The following KIF9 variants were observed in gnomAD, a reference collection of about 807,000 sequenced individuals.
The protein encoded by KIF9 is kinesin family member 9, also known as kinesin-like protein KIF9.
Under a neutral mutation model 94.8 loss-of-function variants are expected in KIF9, and 68 were observed. That is an observed-to-expected ratio of 0.72 (90% confidence interval 0.59 to 0.88). The LOEUF (loss-of-function observed/expected upper bound fraction) is 0.88. KIF9 is among the 40% of genes least tolerant of loss of function. KIF9 has a pLI of 0.00. For synonymous variants in KIF9, 343 were observed against 362.1 expected (o/e 0.95, Z 0.60); for missense variants, 882 against 982.5 (o/e 0.90, Z 1.37).
rs369475790 is a variant in KIF9, at chr3:47,248,021, G to A, written c.1125C>T (p.Ser375=). The change falls in exon 11 of 21, where the codon AGC becomes AGT. Residue 375 remains serine, a synonymous_variant. Coordinates refer to ENST00000684063, the MANE Select transcript of KIF9 (RefSeq NM_182902.4). The stretch of plus-strand genomic sequence containing the variant: ...TTCTTTGCCTCTAGCCTCTTACCAG[G>A]CTGTCATGGATAGCCAGCTCCTGCT... ...LLKQELAIHD[S]LTNRTFVTYD... 30 of 1,612,180 alleles carry A rather than the reference G, an allele frequency of 1.9e-5. No individual in the cohort carries two copies. The highest frequency in any genetic ancestry group is 2.7e-5 in the African/African-American group (2 of 74,808).
chr3:47,233,361 CAAAAA>C (rs966425803), intron 20 of KIF9, among the ~76,000 whole-genome samples: 2 of 26,326 alleles, frequency 7.6e-5, no homozygotes, highest in South Asian at 2.8e-3. Flanking sequence ...GACTCTGTCT[CAAAAA>C]AAAAAAAAAA....
At position 47,228,255 on chromosome 3, in the gene KIF9, A is replaced by C. The variant is rs1414288085; in HGVS notation, c.*397T>G. 5 of 169,792 alleles carry C rather than the reference A, an allele frequency of 2.9e-5. No individual in the cohort carries two copies. The highest frequency in any genetic ancestry group is 1.2e-4 in the African/African-American group (5 of 41,880). The allele number at this position is 169,792 out of a possible 1,614,324, so 10.5% of individuals were successfully genotyped here. A position where few individuals can be genotyped will look rare whatever the true frequency, so the allele number is the denominator to read the frequency against. On this transcript the variant is annotated 3_prime_UTR_variant, in exon 21 of 21. Coordinates refer to ENST00000684063, the MANE Select transcript of KIF9 (RefSeq NM_182902.4). ...TGTCTATCCAGGAAAGGGGCTGACC[A>C]GTGTGACAAAGGCCTGCCAGGAGGA... is the stretch of plus-strand genomic sequence containing the variant.
chr3:47,236,588 G>A lies in KIF9; in HGVS notation c.1956C>T (p.Ile652=), dbSNP rs759067350. 1.8e-5 allele frequency: 29 copies of A among 1,613,944 alleles called. No individual in the cohort carries two copies. The South Asian group carries it at 2.7e-4, about 15-fold the overall frequency. The change falls in exon 18 of 21, where the codon ATC becomes ATT. Residue 652 remains isoleucine, a synonymous_variant. Coordinates refer to ENST00000684063, the MANE Select transcript of KIF9 (RefSeq NM_182902.4). ...GKYENKGLMI[I]DEEEFLLILK... is the part of the protein sequence containing the mutation. The stretch of plus-strand genomic sequence containing the variant: ...GGATCAGCAGGAATTCTTCCTCATC[G>A]ATGATCATCAGCCCCTTGTTTTCGT...
At chr3:47,242,993 T>C (rs538233119) in intron 16 of KIF9, 58 bp downstream of exon 16, 4 of 1,384,338 alleles carry the variant, frequency 2.9e-6, no homozygotes, top group Admixed American at 1.9e-5. Context: ...TCTTCACATG[T>C]TGAGGATCAC....
chr3:47,263,064 A>C (rs986188378), intron 9 of KIF9, among the ~76,000 whole-genome samples: 1 of 151,786 alleles, frequency 6.6e-6, no homozygotes, highest in Non-Finnish European at 1.5e-5. Context: ...ATGCCTAGCT[A>C]ATTTTTGTAT....
chr3:47,244,422 A>G (rs11130123), intron 15 of KIF9: 87,163 of 173,828 alleles, frequency 0.5, 23,678 homozygotes, highest in Non-Finnish European at 0.59. Context: ...GAGGGGGTAC[A>G]ACATAAAGTA....
intron 20 of KIF9, among the ~76,000 whole-genome samples, chr3:47,232,704 C>T (rs576884530): frequency 6.6e-5 from 10 of 151,942 alleles, no homozygotes; most frequent in East Asian, 1.9e-4. Flanking sequence ...GAAAGTCGGC[C>T]GGGCATGCTG....
chr3:47,247,533 G>T, intron 11 of KIF9, 56 bp from the exon 12 acceptor site: 1 of 1,362,898 alleles, frequency 7.3e-7, no homozygotes, highest in Non-Finnish European at 1.0e-6. Flanking sequence ...GCCCACAGGG[G>T]AGTGGCAGGG....
intron 4 of KIF9, among the ~76,000 whole-genome samples, chr3:47,272,226 T>G (rs1701694715): frequency 6.6e-6 from 1 of 152,200 alleles, no homozygotes; most frequent in Non-Finnish European, 1.5e-5. Context: ...CCCTCCCCAG[T>G]GCTTATCAAG....
intron 10 of KIF9, among the ~76,000 whole-genome samples, chr3:47,253,158 TTTG>T (rs1441309090): frequency 6.6e-6 from 1 of 152,090 alleles, no homozygotes; most frequent in Admixed American, 6.5e-5. Context: ...GGGTGGTTTT[TTTG>T]TTGTTGTTTG....
At chr3:47,260,062 G>A (rs1168728523) in intron 9 of KIF9, among the ~76,000 whole-genome samples, 2 of 119,136 alleles carry the variant, frequency 1.7e-5, no homozygotes, top group Non-Finnish European at 3.4e-5. Context: ...GGAATGTCTC[G>A]GTATAAAACC....
At chr3:47,245,223 T>C (rs1006763484) in intron 14 of KIF9, 198 bp downstream of exon 14, 4 of 611,924 alleles carry the variant, frequency 6.5e-6, no homozygotes, top group African/African-American at 1.8e-5. Flanking sequence ...TTATTATCCA[T>C]GTCTCTACCT....
chr3:47,238,893 G>A (rs1366662038), intron 17 of KIF9, among the ~76,000 whole-genome samples: 1 of 151,816 alleles, frequency 6.6e-6, no homozygotes, highest in Non-Finnish European at 1.5e-5. Context: ...TTGATCTCCT[G>A]ACCTCGTGAT....
intron 4 of KIF9, 58 bp from the exon 5 acceptor site, chr3:47,271,519 T>A (rs1311951038): frequency 1.6e-6 from 2 of 1,247,944 alleles, no homozygotes; most frequent in Admixed American, 3.4e-5. Flanking sequence ...CCAACTAGCA[T>A]AAGGGGGGCT....
At chr3:47,269,026 G>A (rs895436294) in intron 5 of KIF9, among the ~76,000 whole-genome samples, 1 of 152,018 alleles carries the variant, frequency 6.6e-6, no homozygotes, top group Non-Finnish European at 1.5e-5. Flanking sequence ...CGCCTGCCCC[G>A]GCCTCCCAAA....
intron 20 of KIF9, among the ~76,000 whole-genome samples, chr3:47,229,980 C>T (rs183776331): frequency 1.3e-5 from 2 of 152,244 alleles, no homozygotes; most frequent in Admixed American, 1.3e-4. Flanking sequence ...GTGATCCACC[C>T]ACCTCAGTCT....
At chr3:47,270,223 A>G (rs1411379538) in intron 5 of KIF9, among the ~76,000 whole-genome samples, 1 of 150,968 alleles carries the variant, frequency 6.6e-6, no homozygotes, top group Non-Finnish European at 1.5e-5. Flanking sequence ...TTTGTATAGT[A>G]AGGATGCTAA....
chr3:47,273,177 T>C lies in KIF9; in HGVS notation c.366+375A>G, dbSNP rs185712973. On this transcript the variant is annotated intron_variant, in intron 4 of 20. Coordinates refer to ENST00000684063, the MANE Select transcript of KIF9 (RefSeq NM_182902.4). ...AAGCCAGAGTAGGCCAGTAAGGAAG[T>C]TCTGCAAGGGTCTATATGCCCCTCA... Among the ~76,000 whole-genome samples, 853 of 152,222 alleles carry C rather than the reference T, an allele frequency of 5.6e-3. 10 individuals carry two copies. The highest frequency in any genetic ancestry group is 0.019 in the African/African-American group (801 of 41,542).
rs765580631 is a variant in KIF9 at position 47,247,363 on chromosome 3, G to A, written c.1233+10C>T. 2 of 1,591,006 alleles carry A rather than the reference G, an allele frequency of 1.3e-6. No homozygotes were observed. Among genetic ancestry groups the A allele is most frequent in the Middle Eastern group, 1.7e-4 (1 of 5,958 alleles). ...TGGCTGAGCATAGTGGTCACAGAGG[G>A]GTTCCTTACGTCGATCTCGTCCAGT... On this transcript the variant is annotated intron_variant, in intron 12 of 20. Coordinates refer to ENST00000684063, the MANE Select transcript of KIF9 (RefSeq NM_182902.4).
Sources: allele counts gnomAD v4.1 joint callset (sites outside exome capture counted in the v4.1 genomes callset), GRCh38; gene constraint gnomAD v4.1.1; transcripts MANE v1.5; gene names NCBI Gene and HGNC (gene_info 2026-07-23, HGNC 2026-07-21).